The following CNTNAP2 variants were observed in gnomAD, a reference collection of about 807,000 sequenced individuals.
The protein encoded by CNTNAP2 is contactin associated protein 2.
In CNTNAP2, 98 loss-of-function variants were observed where a neutral mutation model predicts 155.2. The ratio of observed to expected loss-of-function variants is 0.63; its 90% CI spans 0.54 to 0.75. The LOEUF (loss-of-function observed/expected upper bound fraction) is 0.75. Ranked by LOEUF, CNTNAP2 falls within the 30% of genes least tolerant of loss-of-function variation. The pLI, the probability that CNTNAP2 is intolerant of heterozygous loss-of-function variation, is 0.00. For synonymous variants in CNTNAP2, 651 were observed against 631.2 expected, an observed-to-expected ratio of 1.03 and a Z score of -0.47; for missense variants, 1,727 against 1,688.1, an observed-to-expected ratio of 1.02 and a Z score of -0.40.
chr7:146,569,587 C>A (rs1798411102), intron 1 of CNTNAP2, among the ~76,000 whole-genome samples: 1 of 152,074 alleles, frequency 6.6e-6, no homozygotes, highest in Non-Finnish European at 1.5e-5. Flanking sequence ...TATTATAGTT[C>A]TTTTTGAAAA....
intron 13 of CNTNAP2, among the ~76,000 whole-genome samples, chr7:147,680,666 C>T (rs12672959): frequency 0.095 from 14,492 of 151,876 alleles, 900 homozygotes; most frequent in Middle Eastern, 0.17. Flanking sequence ...CACTAAATAT[C>T]AGCCATGGAC....
intron 12 of CNTNAP2, among the ~76,000 whole-genome samples, chr7:147,609,557 GGTT>G (rs1265067691): frequency 6.6e-6 from 1 of 151,748 alleles, no homozygotes; most frequent in South Asian, 2.1e-4. Context: ...AATTAATTAA[GGTT>G]GTGGGGGAGA....
intron 1 of CNTNAP2, among the ~76,000 whole-genome samples, chr7:146,718,989 C>T (rs1486312109): frequency 6.6e-6 from 1 of 152,094 alleles, no homozygotes; most frequent in South Asian, 2.1e-4. Flanking sequence ...ATGCCTTTCT[C>T]CTAGGGGTTT....
chr7:146,266,523 T>C (rs1163539174), intron 1 of CNTNAP2, among the ~76,000 whole-genome samples: 3 of 152,186 alleles, frequency 2.0e-5, no homozygotes, highest in Non-Finnish European at 4.4e-5. Context: ...AAATTTAACT[T>C]GTGGAGAGAC....
chr7:146,622,734 A>G (rs1172465488), intron 1 of CNTNAP2, among the ~76,000 whole-genome samples: 2 of 152,084 alleles, frequency 1.3e-5, no homozygotes, highest in Non-Finnish European at 2.9e-5. Context: ...AGGCAGGCGG[A>G]TCACCTGAGG....
At chr7:148,283,255 A>AAGAAAAGAAAG (rs1797007935) in intron 21 of CNTNAP2, among the ~76,000 whole-genome samples, 3 of 63,626 alleles carry the variant, frequency 4.7e-5, no homozygotes, top group Non-Finnish European at 8.7e-5. Context: ...AAAAAAAAAA[A>AAGAAAAGAAAG]AAAGAAAGAA....
intron 1 of CNTNAP2, among the ~76,000 whole-genome samples, chr7:146,241,416 A>C (rs1584821300): frequency 1.3e-5 from 2 of 152,212 alleles, no homozygotes; most frequent in Admixed American, 1.3e-4. Flanking sequence ...ATTTAGCCAG[A>C]CAACAGTAAC....
chr7:148,329,870 G>A (rs912518449), intron 21 of CNTNAP2, among the ~76,000 whole-genome samples: 28 of 151,488 alleles, frequency 1.8e-4, no homozygotes, highest in African/African-American at 4.4e-4. Context: ...CACACCCCCC[G>A]GGCCAGGGCC....
At chr7:147,219,942 ATTTTTT>A (rs34947567) in intron 8 of CNTNAP2, among the ~76,000 whole-genome samples, 8 of 123,016 alleles carry the variant, frequency 6.5e-5, no homozygotes, top group African/African-American at 9.2e-5. Flanking sequence ...CGCCCAGCTA[ATTTTTT>A]TTTTTTTTTT....
At chr7:147,312,820 C>T (rs576087785) in intron 9 of CNTNAP2, among the ~76,000 whole-genome samples, 1 of 123,658 alleles carries the variant, frequency 8.1e-6, no homozygotes, top group Non-Finnish European at 1.6e-5. Flanking sequence ...AGTTCTAGAT[C>T]CCTGAGGAAT....
chr7:146,248,704 C>T (rs1283189228), intron 1 of CNTNAP2, among the ~76,000 whole-genome samples: 2 of 152,050 alleles, frequency 1.3e-5, no homozygotes, highest in Non-Finnish European at 2.9e-5. Flanking sequence ...CTGGGCTGGT[C>T]GGTCTGAGGA....
intron 1 of CNTNAP2, among the ~76,000 whole-genome samples, chr7:146,700,777 C>A (rs971198338): frequency 6.6e-6 from 1 of 152,078 alleles, no homozygotes; most frequent in South Asian, 2.1e-4. Flanking sequence ...TGCAGGCAGG[C>A]CACCATAAAT....
At chr7:148,359,645 C>T (rs971951856) in intron 21 of CNTNAP2, among the ~76,000 whole-genome samples, 1 of 152,186 alleles carries the variant, frequency 6.6e-6, no homozygotes, top group African/African-American at 2.4e-5. Context: ...ATTCAGAAAA[C>T]ATACTCAGTA....
At chr7:146,690,678 A>G (rs1800683533) in intron 1 of CNTNAP2, among the ~76,000 whole-genome samples, 1 of 152,212 alleles carries the variant, frequency 6.6e-6, no homozygotes, top group African/African-American at 2.4e-5. Context: ...AGACAATTCT[A>G]TGCAAACAAG....
chr7:147,151,797 T>C (rs1299509831), intron 8 of CNTNAP2, among the ~76,000 whole-genome samples: 1 of 152,224 alleles, frequency 6.6e-6, no homozygotes, highest in African/African-American at 2.4e-5. Context: ...ATTTTTTTAA[T>C]GTGTTACTCC....
chr7:147,935,949 T>TTCAGTCTTATATTC (rs1457026180), intron 14 of CNTNAP2, among the ~76,000 whole-genome samples: 14 of 152,312 alleles, frequency 9.2e-5, no homozygotes, highest in Non-Finnish European at 1.2e-4. Context: ...ATGCTTGCTA[T>TTCAGTCTTATATTC]AAACTCTTAT....
chr7:147,296,087 C>T (rs892244342), intron 8 of CNTNAP2, among the ~76,000 whole-genome samples: 3 of 152,124 alleles, frequency 2.0e-5, no homozygotes, highest in African/African-American at 7.2e-5. Flanking sequence ...TCTTGTTCTT[C>T]CACTTAGAGT....
chr7:146,826,865 G>GAGAGAGAGAGAGAGAGAGAGAGAGAC (rs1563248337), intron 2 of CNTNAP2, among the ~76,000 whole-genome samples: 28 of 150,804 alleles, frequency 1.9e-4, no homozygotes, highest in African/African-American at 6.8e-4. Context: ...TATAGAGAGA[G>GAGAGAGAGAGAGAGAGAGAGAGAGAC]AGAGAGAGAG....
At chr7:148,368,173 C>T (rs1226183880) in intron 21 of CNTNAP2, among the ~76,000 whole-genome samples, 1 of 152,168 alleles carries the variant, frequency 6.6e-6, no homozygotes, top group Admixed American at 6.5e-5. Context: ...TGTCTCTTAT[C>T]CTTTGAATAG....
Sources: gnomAD v4.1 joint callset for allele counts (sites outside exome capture counted in the v4.1 genomes callset) on GRCh38, gnomAD v4.1.1 for gene constraint, MANE v1.5 for transcripts, NCBI Gene and HGNC (gene_info 2026-07-23, HGNC 2026-07-21) for gene names.